The following ATP6V1A variants were observed in gnomAD, a reference collection of about 807,000 sequenced individuals.
ATP6V1A encodes V-type proton ATPase catalytic subunit A.
A neutral mutation model predicts 70.1 loss-of-function variants in ATP6V1A; 18 were observed. The ratio of observed to expected loss-of-function variants is 0.26; its 90% CI spans 0.18 to 0.38. ATP6V1A has a LOEUF of 0.38. Among genes scored for constraint, ATP6V1A ranks in the 10% least tolerant of loss-of-function variants. The pLI is 1.00. For missense variants in ATP6V1A, 424 were observed against 772.4 expected (o/e 0.55, Z 5.35); for synonymous variants, 232 against 253.8 (o/e 0.91, Z 0.82).
At chr3:113,808,923 C>T (rs1709309481) in intron 14 of ATP6V1A, among the ~76,000 whole-genome samples, 1 of 152,022 alleles carries the variant, frequency 6.6e-6, no homozygotes, top group Admixed American at 6.6e-5. Context: ...ACCAGTGTCC[C>T]TCACTAAACC....
intron 1 of ATP6V1A, among the ~76,000 whole-genome samples, chr3:113,765,257 T>C (rs1708755033): frequency 6.6e-6 from 1 of 152,194 alleles, no homozygotes; most frequent in Non-Finnish European, 1.5e-5. Context: ...TAGTTGGTTA[T>C]GTTTGTGTTA....
intron 8 of ATP6V1A, among the ~76,000 whole-genome samples, chr3:113,792,520 T>C (rs564694554): frequency 1.3e-5 from 2 of 152,278 alleles, no homozygotes; most frequent in African/African-American, 4.8e-5. Flanking sequence ...TTATTTTCTG[T>C]AGAGATGGGG....
intron 2 of ATP6V1A, 88 bp from the exon 3 acceptor site, chr3:113,780,962 C>T: frequency 6.8e-7 from 1 of 1,477,652 alleles, no homozygotes; most frequent in Non-Finnish European, 9.0e-7. Flanking sequence ...AGGCACAATA[C>T]TGGGTTTATT....
Position 113,781,193 on chromosome 3 carries a change from T to C in ATP6V1A, c.211+15T>C. The C allele has an allele frequency of 1.9e-6, 3 of 1,595,828 alleles. No homozygotes were observed. The highest frequency in any genetic ancestry group is 2.6e-6 in the Non-Finnish European group (3 of 1,172,280). ...TGAAGAAACTTGTATCCTTTTTGGC[T>C]CAATTTCCTGCCACTTTCTATATTT... is the stretch of plus-strand genomic sequence containing the variant. On this transcript the variant is annotated intron_variant, in intron 3 of 14. Transcript: ENST00000273398.
chr3:113,772,614 G>T (rs1708855921), intron 1 of ATP6V1A, among the ~76,000 whole-genome samples: 1 of 151,720 alleles, frequency 6.6e-6, no homozygotes. Context: ...TATAGTACCA[G>T]CTACTCGGGA....
intron 1 of ATP6V1A, among the ~76,000 whole-genome samples, chr3:113,758,049 G>C (rs1234991897): frequency 1.3e-5 from 2 of 152,042 alleles, no homozygotes; most frequent in African/African-American, 2.4e-5. Flanking sequence ...GAGGCTGAGG[G>C]AGGAGAATCA....
In ATP6V1A at chr3:113,798,352, A is replaced by G; in HGVS notation, c.1400A>G (p.Lys467Arg). 6.2e-7 allele frequency: 1 copy of G among 1,614,030 alleles called. No homozygotes were observed. The highest frequency in any genetic ancestry group is 1.1e-5 in the South Asian group (1 of 91,070). ...YMRALDEYYD[K>R]HFTEFVPLRT... ...CGTGCCTTGGATGAATACTATGACA[A>G]ACACTTCACAGAGTTCGTTCCTCTG... The change falls in exon 12 of 15, where the codon AAA becomes AGA. Residue 467 changes from lysine to arginine, a missense_variant. This residue lies in a region of ATP6V1A where 127 missense variants were observed against 207.9 expected (regional missense o/e 0.61). Coordinates refer to ENST00000273398, the MANE Select transcript of ATP6V1A (RefSeq NM_001690.4).
At chr3:113,791,368 AT>A (rs1709089794) in intron 8 of ATP6V1A, among the ~76,000 whole-genome samples, 1 of 139,996 alleles carries the variant, frequency 7.1e-6, no homozygotes, top group African/African-American at 2.6e-5. Flanking sequence ...TTGAGATTTT[AT>A]TTTGTAGTAG....
intron 1 of ATP6V1A, among the ~76,000 whole-genome samples, chr3:113,767,808 G>T (rs1708791333): frequency 6.6e-6 from 1 of 152,148 alleles, no homozygotes; most frequent in Non-Finnish European, 1.5e-5. Flanking sequence ...CTGCCACCAT[G>T]CCCAGCTAAT....
At chr3:113,784,633 C>CT in intron 4 of ATP6V1A, 63 bp from the exon 5 acceptor site, 1 of 1,571,410 alleles carries the variant, frequency 6.4e-7, no homozygotes, top group Non-Finnish European at 8.7e-7. Context: ...TAAATTATAG[C>CT]AGCAGGGGCA....
At chr3:113,754,865 TTTTAAAAGTATCTCCG>T (rs1277474581) in intron 1 of ATP6V1A, among the ~76,000 whole-genome samples, 5 of 152,246 alleles carry the variant, frequency 3.3e-5, no homozygotes, top group Non-Finnish European at 7.3e-5. Flanking sequence ...ATTTCTGTCC[TTTTAAAAGTATCTCCG>T]TAGAATACAT....
chr3:113,791,690 A>G (rs1369849421), intron 8 of ATP6V1A, among the ~76,000 whole-genome samples: 5 of 152,144 alleles, frequency 3.3e-5, no homozygotes, highest in Non-Finnish European at 5.9e-5. Flanking sequence ...AGCAGCTGTA[A>G]GACCATTCAC....
chr3:113,758,695 A>G (rs1165179382), intron 1 of ATP6V1A, among the ~76,000 whole-genome samples: 2 of 152,348 alleles, frequency 1.3e-5, no homozygotes, highest in Admixed American at 6.5e-5. Flanking sequence ...ACCAAGGAGT[A>G]GAATGGCTGA....
chr3:113,810,631 C>G lies in ATP6V1A; in HGVS notation c.*1204C>G, dbSNP rs527376799. 3.9e-5 allele frequency: 6 copies of G among 152,274 alleles called. No homozygotes were observed. The South Asian group carries it at 1.2e-3, about 32-fold the overall frequency. 9.4% of individuals were successfully genotyped at this position (152,274 alleles called of 1,614,324 possible). ...CTTGGAAGCCTAAGCTTCTGAGAAT[C>G]ATGTGGCAAGTGTGATGGGCAGTAA... On this transcript the variant is annotated 3_prime_UTR_variant, in exon 15 of 15. Transcript: ENST00000273398.
rs762970699 is a variant in ATP6V1A at position 113,784,358 on chromosome 3, A to G, written c.346A>G (p.Ile116Val). The G allele has an allele frequency of 1.9e-6, 3 of 1,614,242 alleles. No homozygotes were observed. Among genetic ancestry groups the G allele is most frequent in the African/African-American group, 1.3e-5 (1 of 75,078 alleles). Residue 116 changes from isoleucine to valine, a missense_variant, in exon 4 of 15, where the codon ATC (isoleucine) becomes GTC (valine). By Grantham distance (29) the Ile-to-Val change is conservative. This residue lies in a region of ATP6V1A where 139 missense variants were observed against 163.5 expected (regional missense o/e 0.85). Transcript: ENST00000273398. Reference protein sequence around the residue: ...LSDISSQTQSIYIPRGVNVSA... With the variant: ...LSDISSQTQSVYIPRGVNVSA... Reference sequence around the variant, plus strand: ...GGATATCAGCAGTCAGACCCAAAGCATCTACATCCCCAGAGGAGTAAACGT... The same window carrying G: ...GGATATCAGCAGTCAGACCCAAAGCGTCTACATCCCCAGAGGAGTAAACGT...
intron 1 of ATP6V1A, among the ~76,000 whole-genome samples, chr3:113,765,762 C>CAA (rs398052207): frequency 8.6e-4 from 110 of 127,308 alleles, no homozygotes; most frequent in African/African-American, 1.8e-3. Flanking sequence ...ACTAAAAATA[C>CAA]AAAAAAAAAA....
intron 12 of ATP6V1A, among the ~76,000 whole-genome samples, chr3:113,799,433 T>C (rs1709185804): frequency 6.6e-6 from 1 of 152,134 alleles, no homozygotes; most frequent in South Asian, 2.1e-4. Context: ...CTTAATGTGT[T>C]AAAAGTAATA....
chr3:113,763,809 T>C (rs1244234809), intron 1 of ATP6V1A, among the ~76,000 whole-genome samples: 1 of 152,194 alleles, frequency 6.6e-6, no homozygotes, highest in Non-Finnish European at 1.5e-5. Context: ...AAAATTGATA[T>C]TATCTTAGAT....
intron 1 of ATP6V1A, among the ~76,000 whole-genome samples, chr3:113,759,140 G>A (rs1708674243): frequency 6.6e-6 from 1 of 152,166 alleles, no homozygotes; most frequent in East Asian, 1.9e-4. Flanking sequence ...GATGAGCAGA[G>A]ATTTGAAGTC....
Sources: allele counts gnomAD v4.1 joint callset (sites outside exome capture counted in the v4.1 genomes callset), GRCh38; gene constraint gnomAD v4.1.1; regional missense constraint gnomAD v4.1.1; transcripts MANE v1.5; gene names NCBI Gene and HGNC (gene_info 2026-07-23, HGNC 2026-07-21).